ATP13A5: variants seen among roughly 807,000 people sequenced by gnomAD.
The protein encoded by ATP13A5 is probable cation-transporting ATPase 13A5.
ATP13A5 carries 149 observed loss-of-function variants against 150.2 expected under a neutral mutation model. That is an observed-to-expected ratio of 0.99 (90% confidence interval 0.87 to 1.14). The LOEUF (loss-of-function observed/expected upper bound fraction) is 1.14, where lower values mean the gene tolerates loss of function less well. Among genes scored for constraint, ATP13A5 ranks in the 50% most tolerant of loss-of-function variants. The probability of loss-of-function intolerance (pLI) is 0.00; values close to 1 mark genes in which losing one functional copy is unlikely to be tolerated. For synonymous variants in ATP13A5, 497 were observed against 522.2 expected (o/e 0.95, Z 0.66); for missense variants, 1,383 against 1,449.3 (o/e 0.95, Z 0.74).
rs564041558 is a variant in ATP13A5 at position 193,333,824 on chromosome 3, T to G, written c.1198A>C (p.Lys400Gln). 4 of 1,613,938 alleles carry G rather than the reference T, an allele frequency of 2.5e-6. No individual in the cohort carries two copies. The highest frequency in any genetic ancestry group is 3.3e-5 in the Admixed American group (2 of 60,000). Residue 400 changes from lysine (K) to glutamine (Q), a missense_variant, in exon 11 of 30, where the codon AAG (lysine) becomes CAG (glutamine). Physicochemically the swap from Lys to Gln is moderately conservative, Grantham distance 53. Coordinates refer to ENST00000342358, the MANE Select transcript of ATP13A5 (RefSeq NM_198505.4). ...LNFKLYSDAF[K>Q]FIVFLACLGV... Reference sequence around the variant, plus strand: ...AGGCAGGCCAGGAACACGATGAACTTGAAGGCATCGCTGTATAGTTTGAAG... The same window carrying G: ...AGGCAGGCCAGGAACACGATGAACTGGAAGGCATCGCTGTATAGTTTGAAG...
intron 6 of ATP13A5, among the ~76,000 whole-genome samples, chr3:193,351,777 C>G (rs1712571978): frequency 2.6e-5 from 4 of 152,138 alleles, no homozygotes; most frequent in Admixed American, 2.6e-4. Flanking sequence ...ATGTCTTCCC[C>G]AAGGCTGCAG....
chr3:193,353,519 C>T (rs1329206154), intron 6 of ATP13A5, among the ~76,000 whole-genome samples: 1 of 152,072 alleles, frequency 6.6e-6, no homozygotes, highest in African/African-American at 2.4e-5. Flanking sequence ...ATTTGTGTCC[C>T]CTCTAAATTC....
At chr3:193,325,061 C>T (rs776125858) in intron 13 of ATP13A5, 47 bp from the exon 14 acceptor site, 3 of 1,576,896 alleles carry the variant, frequency 1.9e-6, no homozygotes, top group Non-Finnish European at 2.6e-6. Flanking sequence ...TCATTTTGCA[C>T]ATTCTGTCCC....
rs75107196 is a variant in ATP13A5, at chr3:193,362,188, T to C, written c.536+193A>G. 6.1e-3 allele frequency among the ~76,000 whole-genome samples: 936 copies of C among 152,354 alleles called. 16 individuals carry two copies. Among genetic ancestry groups the C allele is most frequent in the African/African-American group, 0.021 (865 of 41,590 alleles). ...AAAGATCAAATTTTATATGATTGCA[T>C]TGTTCTTTTGGTCTTTGTAAAAATA... On this transcript the variant is annotated intron_variant, in intron 5 of 29. Transcript: ENST00000342358.
Position 193,314,064 on chromosome 3 carries a change from A to G in ATP13A5, c.2288T>C (p.Val763Ala). The G allele has an allele frequency of 6.2e-7, 1 of 1,613,652 alleles. No individual in the cohort carries two copies. Among genetic ancestry groups the G allele is most frequent in the Non-Finnish European group, 8.5e-7 (1 of 1,179,856 alleles). Residue 763 changes from valine (V) to alanine (A), a missense_variant, in exon 19 of 30, where the codon GTG becomes GCG. Physicochemically the swap from Val to Ala is moderately conservative, Grantham distance 64. Around this residue, in one of 3 missense-constraint regions of ATP13A5, gnomAD observed 568 missense variants for 621.5 expected, o/e 0.91. Coordinates refer to ENST00000342358, the MANE Select transcript of ATP13A5 (RefSeq NM_198505.4). ...FVPASVTWQL[V>A]ENQETGPGKK... ...CCCAGGTCCAGTCTCTTGGTTCTCCACCAGCTGCCAGGTCACAGAGGCAGG... is the reference window on the plus strand; with the variant it reads ...CCCAGGTCCAGTCTCTTGGTTCTCCGCCAGCTGCCAGGTCACAGAGGCAGG...
intron 7 of ATP13A5, among the ~76,000 whole-genome samples, chr3:193,348,476 A>T (rs945310550): frequency 3.3e-5 from 5 of 152,188 alleles, no homozygotes; most frequent in African/African-American, 1.2e-4. Context: ...GCAATACAGT[A>T]TGCACATACA....
intron 7 of ATP13A5, among the ~76,000 whole-genome samples, chr3:193,350,598 A>T (rs1712527179): frequency 6.6e-6 from 1 of 152,212 alleles, no homozygotes; most frequent in Non-Finnish European, 1.5e-5. Context: ...CATAGACATT[A>T]TAAAGGACTT....
At chr3:193,356,076 G>A (rs984496386) in intron 5 of ATP13A5, among the ~76,000 whole-genome samples, 5 of 152,142 alleles carry the variant, frequency 3.3e-5, no homozygotes, top group East Asian at 1.9e-4. Flanking sequence ...AAACAAGGGC[G>A]TTCCCTTTGT....
chr3:193,355,719 C>T (rs1712757908), intron 5 of ATP13A5, among the ~76,000 whole-genome samples: 1 of 152,136 alleles, frequency 6.6e-6, no homozygotes, highest in African/African-American at 2.4e-5. Context: ...CTAAACCTCC[C>T]GCTGGAAAGA....
chr3:193,322,568 C>T lies in ATP13A5; in HGVS notation c.1681G>A (p.Glu561Lys). Residue 561 changes from glutamate (E) to lysine (K), a missense_variant, in exon 15 of 30, where the codon GAA becomes AAA. This residue lies in a region of ATP13A5 where 787 missense variants were observed against 771.9 expected (regional missense o/e 1.02). Transcript: ENST00000342358. ...KMFEGTAWKM[E>K]DCIVDSCKFG... is the part of the protein sequence containing the mutation. ...TTGCAGGAGTCTACAATGCAATCTT[C>T]CATTTTCTGTTATAAAATGAAAACA... 6.2e-7 allele frequency: 1 copy of T among 1,606,412 alleles called. No individual in the cohort carries two copies. Among genetic ancestry groups the T allele is most frequent in the South Asian group, 1.1e-5 (1 of 89,874 alleles).
At chr3:193,350,943 C>T in intron 7 of ATP13A5, 124 bp downstream of exon 7, 1 of 1,083,496 alleles carries the variant, frequency 9.2e-7, no homozygotes, top group Non-Finnish European at 1.3e-6. Context: ...ATTTGGTAAG[C>T]CCTCACTTTT....
At chr3:193,334,045 G>A (rs1398748147) in intron 10 of ATP13A5, 138 bp from the exon 11 acceptor site, 3 of 773,700 alleles carry the variant, frequency 3.9e-6, no homozygotes, top group Admixed American at 6.5e-5. Flanking sequence ...TTTTCAGGTG[G>A]TTTTCATGAT....
chr3:193,338,604 G>A (rs1389650678), intron 9 of ATP13A5, among the ~76,000 whole-genome samples: 1 of 152,194 alleles, frequency 6.6e-6, no homozygotes, highest in African/African-American at 2.4e-5. Flanking sequence ...TGGTGGATAA[G>A]CTTTTTGATG....
Position 193,362,813 on chromosome 3 carries a change from C to CTTTCTTTCTTTG in ATP13A5, c.385-177_385-176insCAAAGAAAGAAA, listed in dbSNP as rs59105884. Among the ~76,000 whole-genome samples the CTTTCTTTCTTTG allele has an allele frequency of 6.0e-3, 667 of 112,052 alleles. 120 individuals carry two copies. The highest frequency in any genetic ancestry group is 0.017 in the East Asian group (44 of 2,654). The allele number at this position is 112,052 out of a possible 152,430, so 73.5% of individuals were successfully genotyped here. The stretch of plus-strand genomic sequence containing the variant: ...TCTTTCTTTCTTTCTTTCTTTCTTT[C>CTTTCTTTCTTTG]AGACAGGGTCTCACTCTGTCACCCA... On this transcript the variant is annotated intron_variant, in intron 3 of 29. Transcript: ENST00000342358.
intron 9 of ATP13A5, among the ~76,000 whole-genome samples, chr3:193,340,419 T>C (rs1165225894): frequency 6.6e-6 from 1 of 152,078 alleles, no homozygotes; most frequent in African/African-American, 2.4e-5. Flanking sequence ...AGGAGGATGA[T>C]AAAAAGAGAG....
At chr3:193,285,674 C>T (rs1381450512) in intron 26 of ATP13A5, among the ~76,000 whole-genome samples, 1 of 152,166 alleles carries the variant, frequency 6.6e-6, no homozygotes, top group Admixed American at 6.6e-5. Flanking sequence ...TGCCACTCCT[C>T]CCATGCTCTA....
chr3:193,309,953 A>G (rs1718778091), intron 21 of ATP13A5, among the ~76,000 whole-genome samples: 1 of 152,070 alleles, frequency 6.6e-6, no homozygotes, highest in African/African-American at 2.4e-5. Context: ...TGTTTTACAG[A>G]TTATTTCATC....
At position 193,294,591 on chromosome 3, in the gene ATP13A5, A is replaced by G. The variant is rs1371126648; in HGVS notation, c.2849-4532T>C. ...AGGGTGTGTATAGATAAATAAGTAA[A>G]TAAATCAAATATGTGATGGTATTGT... On this transcript the variant is annotated intron_variant, in intron 25 of 29. Transcript: ENST00000342358. Among the ~76,000 whole-genome samples, 97 of 152,112 alleles carry G rather than the reference A, an allele frequency of 6.4e-4. 1 individual carries two copies. The highest frequency in any genetic ancestry group is 6.4e-3 in the Admixed American group (97 of 15,254).
At chr3:193,350,503 C>T (rs1038715) in intron 7 of ATP13A5, among the ~76,000 whole-genome samples, 82,282 of 151,864 alleles carry the variant, frequency 0.54, 22,512 homozygotes, top group African/African-American at 0.61. Context: ...TAATTTTTTC[C>T]ACAACCCATC....
Sources: gnomAD v4.1 joint callset for allele counts (sites outside exome capture counted in the v4.1 genomes callset) on GRCh38, gnomAD v4.1.1 for gene constraint, gnomAD v4.1.1 regional missense constraint, MANE v1.5 for transcripts, NCBI Gene and HGNC (gene_info 2026-07-23, HGNC 2026-07-21) for gene names.